Variants in COL9A1 observed in about 807,000 individuals in gnomAD.
The protein encoded by COL9A1 is collagen alpha-1(IX) chain.
In COL9A1, 104 loss-of-function variants were observed where a neutral mutation model predicts 142.6. The ratio of observed to expected loss-of-function variants is 0.73; its 90% CI spans 0.62 to 0.86. The LOEUF is 0.86. COL9A1 is among the 40% of genes least tolerant of loss of function. COL9A1 has a pLI of 0.00. For synonymous variants in COL9A1, 466 were observed against 396.0 expected, an observed-to-expected ratio of 1.18 and a Z score of -2.10; for missense variants, 1,210 against 1,176.6, an observed-to-expected ratio of 1.03 and a Z score of -0.42.
intron 12 of COL9A1, 153 bp downstream of exon 12, chr6:70,273,894 T>A (rs1334628859): frequency 5.9e-6 from 2 of 336,578 alleles, no homozygotes; most frequent in Admixed American, 9.9e-5. Flanking sequence ...ATTTCTCATG[T>A]ATATTATGCA....
At chr6:70,275,194 A>G (rs191358593) in intron 10 of COL9A1, 1 of 183,636 alleles carries the variant, frequency 5.4e-6, no homozygotes, top group East Asian at 1.4e-4. Context: ...ATCTCTCTAC[A>G]GGACAATAAT....
chr6:70,215,533 A>G (rs983908578), downstream of COL9A1: 6 of 152,234 alleles, frequency 3.9e-5, no homozygotes, highest in African/African-American at 1.4e-4. Context: ...AAATGAATAT[A>G]TTAAGTCTGT....
intron 8 of COL9A1, 34 bp from the exon 9 acceptor site, chr6:70,281,073 A>G: frequency 6.3e-7 from 1 of 1,585,580 alleles, no homozygotes; most frequent in Non-Finnish European, 8.6e-7. Context: ...AGAGCAGTCT[A>G]TGAGCGGGAT....
Position 70,240,618 on chromosome 6 carries a change from GTATA to G in COL9A1, c.2079+67_2079+70del, listed in dbSNP as rs10686639. 12 of 982,836 alleles carry G rather than the reference GTATA, an allele frequency of 1.2e-5. No individual in the cohort carries two copies. The Admixed American group carries it at 2.2e-4, about 18-fold the overall frequency. The allele number at this position is 982,836 out of a possible 1,614,324, so 60.9% of individuals were successfully genotyped here. On this transcript the variant is annotated intron_variant, in intron 32 of 37. Transcript: ENST00000357250. ...ATACCAATTTTGAACTGTGTTAGAA[GTATA>G]TATATATACTTCTAACAGTTCAAAA...
intron 5 of COL9A1, 88 bp from the exon 6 acceptor site, chr6:70,283,908 T>A: frequency 1.1e-6 from 1 of 938,606 alleles, no homozygotes; most frequent in Non-Finnish European, 1.7e-6. Flanking sequence ...GTCTAATTGT[T>A]AAATAATTGG....
At chr6:70,228,206 ATTGCAACCAACCATGTGGAT>A (rs1310397969) in intron 36 of COL9A1, among the ~76,000 whole-genome samples, 1 of 152,102 alleles carries the variant, frequency 6.6e-6, no homozygotes, top group Non-Finnish European at 1.5e-5. Flanking sequence ...CATACTTTGG[ATTGCAACCAACCATGTGGAT>A]TTGCAAGACA....
At chr6:70,231,987 TA>T (rs1769579999) in intron 36 of COL9A1, among the ~76,000 whole-genome samples, 2 of 152,132 alleles carry the variant, frequency 1.3e-5, no homozygotes, top group Non-Finnish European at 2.9e-5. Context: ...TGCAAGGGCT[TA>T]ACTTGCTTTA....
Position 70,281,003 on chromosome 6 carries a change from C to G in COL9A1, c.912+1G>C, listed in dbSNP as rs762837933. ...AGCGCCATATGCTCCAATCAACTTA[C>G]CGGGGGGCCCGGGGGGCCCTTAGGA... On this transcript the variant is annotated splice_donor_variant, in intron 9 of 37. Transcript: ENST00000357250. LOFTEE classifies it high-confidence loss of function. The G allele has an allele frequency of 1.2e-6, 2 of 1,613,000 alleles. No homozygotes were observed. The highest frequency in any genetic ancestry group is 2.2e-5 in the East Asian group (1 of 44,864).
At chr6:70,242,212 A>C (rs1011748380) in intron 29 of COL9A1, 177 bp from the exon 30 acceptor site, 8 of 670,524 alleles carry the variant, frequency 1.2e-5, no homozygotes, top group Admixed American at 1.0e-4. Flanking sequence ...GGGCGGGGCC[A>C]ATGTTCTCCC....
At chr6:70,269,778 A>G (rs1772273400) in intron 15 of COL9A1, 113 bp from the exon 16 acceptor site, 2 of 694,966 alleles carry the variant, frequency 2.9e-6, no homozygotes, top group South Asian at 1.8e-5. Flanking sequence ...TTAATAAAAT[A>G]TAAGAAACCA....
chr6:70,300,249 A>T (rs1020582503), intron 3 of COL9A1, 60 bp downstream of exon 3: 58 of 1,077,092 alleles, frequency 5.4e-5, no homozygotes, highest in South Asian at 5.0e-4. Flanking sequence ...TTTCCCAAAT[A>T]AAAAAAAAAA....
At chr6:70,225,064 T>C (rs182268280) in intron 37 of COL9A1, among the ~76,000 whole-genome samples, 13 of 152,332 alleles carry the variant, frequency 8.5e-5, no homozygotes, top group Non-Finnish European at 1.6e-4. Context: ...AGCCAAGTTT[T>C]CCCAAACCAT....
chr6:70,242,618 A>T lies in COL9A1; in HGVS notation c.1926+44T>A, dbSNP rs199788585. On this transcript the variant is annotated intron_variant, in intron 29 of 37. Transcript: ENST00000357250. ...TCCTCTTGCTTATTTTTAAAAATGC[A>T]TTGTGTTTCGTAGAAGGCAAATAAA... 1.0e-5 allele frequency: 16 copies of T among 1,531,836 alleles called. No individual in the cohort carries two copies. The Admixed American group carries it at 2.3e-4, about 22-fold the overall frequency. The allele number at this position is 1,531,836 out of a possible 1,614,324, so 94.9% of individuals were successfully genotyped here.
intron 28 of COL9A1, among the ~76,000 whole-genome samples, chr6:70,244,817 T>C (rs1009770250): frequency 2.6e-5 from 4 of 152,186 alleles, no homozygotes; most frequent in African/African-American, 9.7e-5. Context: ...TTCTCTGTCT[T>C]TTCTAAGTTC....
intron 29 of COL9A1, 58 bp downstream of exon 29, chr6:70,242,604 A>T: frequency 6.9e-7 from 1 of 1,450,302 alleles, no homozygotes; most frequent in Non-Finnish European, 9.7e-7. Flanking sequence ...CCTCTTGCTT[A>T]TTTTTAAAAA....
Position 70,232,817 on chromosome 6 carries a change from A to AAGTTATTCT in COL9A1, c.2315-55_2315-47dup, listed in dbSNP as rs771141590. On this transcript the variant is annotated intron_variant, in intron 35 of 37. Transcript: ENST00000357250. ...CAACCCAGAAGTGTCAGAAACATAA[A>AAGTTATTCT]AGTTATTCTAATGAAAAGAGAGGTA... is the stretch of plus-strand genomic sequence containing the variant. The AAGTTATTCT allele has an allele frequency of 1.9e-6, 3 of 1,551,310 alleles. No individual in the cohort carries two copies. The African/African-American group carries it at 4.1e-5, about 21-fold the overall frequency.
At chr6:70,251,667 A>G (rs1253550235) in intron 28 of COL9A1, among the ~76,000 whole-genome samples, 1 of 152,244 alleles carries the variant, frequency 6.6e-6, no homozygotes, top group Non-Finnish European at 1.5e-5. Flanking sequence ...GTGGTTGTCT[A>G]AAACTGAAGG....
intron 4 of COL9A1, among the ~76,000 whole-genome samples, chr6:70,299,551 T>C (rs1773977188): frequency 6.6e-6 from 1 of 152,186 alleles, no homozygotes; most frequent in East Asian, 1.9e-4. Context: ...GTCGTTAGTA[T>C]TACTATCATT....
downstream of COL9A1, chr6:70,215,246 C>A (rs952455619): frequency 2.0e-5 from 3 of 152,134 alleles, no homozygotes; most frequent in Admixed American, 2.0e-4. Context: ...TTGGAATCTT[C>A]TTAAGCAAAA....
Sources: allele counts gnomAD v4.1 joint callset (sites outside exome capture counted in the v4.1 genomes callset), GRCh38; gene constraint gnomAD v4.1.1; transcripts MANE v1.5; gene names NCBI Gene and HGNC (gene_info 2026-07-23, HGNC 2026-07-21).